The following PDE8B variants were observed in gnomAD, a reference collection of about 807,000 sequenced individuals.
PDE8B encodes the protein high affinity cAMP-specific and IBMX-insensitive 3',5'-cyclic phosphodiesterase 8B.
In PDE8B, 26 loss-of-function variants were observed where a neutral mutation model predicts 101.3. The ratio of observed to expected loss-of-function variants is 0.26; its 90% CI spans 0.19 to 0.36. The LOEUF is 0.36. Among genes scored for constraint, PDE8B ranks in the 10% least tolerant of loss-of-function variants. PDE8B has a pLI of 1.00. For synonymous variants in PDE8B, 424 were observed against 429.3 expected (o/e 0.99, Z 0.15); for missense variants, 810 against 1,163.1 (o/e 0.70, Z 4.42).
intron 1 of PDE8B, among the ~76,000 whole-genome samples, chr5:77,260,781 A>G (rs1033695800): frequency 2.0e-5 from 3 of 151,858 alleles, no homozygotes; most frequent in African/African-American, 7.3e-5. Context: ...AATAGTAGAG[A>G]TGGAGTTTCA....
At chr5:77,268,908 T>G (rs901692297) in intron 1 of PDE8B, among the ~76,000 whole-genome samples, 1 of 151,354 alleles carries the variant, frequency 6.6e-6, no homozygotes, top group African/African-American at 2.4e-5. Context: ...ATCTTAGCTC[T>G]TGTGAATAGT....
At chr5:77,274,631 G>T (rs1447883200) in intron 1 of PDE8B, among the ~76,000 whole-genome samples, 1 of 152,116 alleles carries the variant, frequency 6.6e-6, no homozygotes, top group Non-Finnish European at 1.5e-5. Flanking sequence ...GAAGATTAAT[G>T]TGCTTTATTG....
At chr5:77,203,526 A>C in the PDE8B span, among the ~76,000 whole-genome samples, 6 of 152,174 alleles carry the variant, frequency 3.9e-5, no homozygotes, top group African/African-American at 1.4e-4. Context: ...GGGTGGATGG[A>C]TGGATGGAAA....
At chr5:77,217,497 T>C (rs1750045039) in intron 1 of PDE8B, among the ~76,000 whole-genome samples, 1 of 152,204 alleles carries the variant, frequency 6.6e-6, no homozygotes, top group Non-Finnish European at 1.5e-5. Flanking sequence ...ACCTTTACCC[T>C]ACAGTGGAAG....
At chr5:77,239,004 C>T (rs568440518) in intron 1 of PDE8B, among the ~76,000 whole-genome samples, 4 of 152,344 alleles carry the variant, frequency 2.6e-5, no homozygotes, top group Non-Finnish European at 2.9e-5. Context: ...CTTACAGATA[C>T]ACTCAGATAT....
intron 7 of PDE8B, 77 bp downstream of exon 7, chr5:77,345,008 C>G (rs1779894722): frequency 7.5e-6 from 7 of 928,840 alleles, no homozygotes; most frequent in Non-Finnish European, 1.3e-5. Flanking sequence ...TTATCAAGTA[C>G]TTTCCCATCA....
chr5:77,243,929 C>A (rs1392104806), intron 1 of PDE8B, among the ~76,000 whole-genome samples: 1 of 152,030 alleles, frequency 6.6e-6, no homozygotes, highest in Non-Finnish European at 1.5e-5. Context: ...TTCCAAAGTA[C>A]TTGTAACATG....
intron 10 of PDE8B, among the ~76,000 whole-genome samples, chr5:77,363,799 T>G (rs140076356): frequency 1.5e-3 from 233 of 151,580 alleles, no homozygotes; most frequent in African/African-American, 5.5e-3. Flanking sequence ...GAGGAGATAA[T>G]CAAGCATGGC....
intron 10 of PDE8B, among the ~76,000 whole-genome samples, chr5:77,388,613 G>A (rs548649353): frequency 3.3e-5 from 5 of 152,292 alleles, no homozygotes; most frequent in East Asian, 1.9e-4. Context: ...TGGGAGATCC[G>A]CTGCTCTCCT....
intron 1 of PDE8B, among the ~76,000 whole-genome samples, chr5:77,261,081 C>G (rs1760484188): frequency 6.6e-6 from 1 of 152,154 alleles, no homozygotes; most frequent in Non-Finnish European, 1.5e-5. Context: ...TGGTTGCATT[C>G]TGTTGCTTTT....
chr5:77,100,603 A>C, the PDE8B span, among the ~76,000 whole-genome samples: 1 of 152,340 alleles, frequency 6.6e-6, no homozygotes, highest in East Asian at 1.9e-4. Flanking sequence ...CCTGGGAGGC[A>C]ACCCTTGTAC....
At chr5:77,362,775 G>A (rs1456938209) in intron 10 of PDE8B, among the ~76,000 whole-genome samples, 1 of 152,188 alleles carries the variant, frequency 6.6e-6, no homozygotes, top group Non-Finnish European at 1.5e-5. Flanking sequence ...GCCTCTGTGT[G>A]TCACTCCCTC....
chr5:77,264,436 G>T (rs1219700364), intron 1 of PDE8B, among the ~76,000 whole-genome samples: 1 of 152,172 alleles, frequency 6.6e-6, no homozygotes, highest in Non-Finnish European at 1.5e-5. Flanking sequence ...GTTATTATCT[G>T]CCTTTTTTAT....
chr5:77,374,644 C>T (rs1222342048), intron 10 of PDE8B, among the ~76,000 whole-genome samples: 2 of 152,180 alleles, frequency 1.3e-5, no homozygotes, highest in Non-Finnish European at 2.9e-5. Context: ...CATTTACCAC[C>T]TTCCCTTTTA....
the PDE8B span, among the ~76,000 whole-genome samples, chr5:77,157,595 A>G: frequency 6.6e-6 from 1 of 152,264 alleles, no homozygotes; most frequent in African/African-American, 2.4e-5. Flanking sequence ...ATAAATGTGG[A>G]TAGAGGACAC....
At chr5:77,318,198 C>T (rs1013847857) in intron 2 of PDE8B, among the ~76,000 whole-genome samples, 2 of 151,930 alleles carry the variant, frequency 1.3e-5, no homozygotes, top group Non-Finnish European at 2.9e-5. Context: ...GGGAGCTGAC[C>T]TTCACACATT....
At chr5:77,310,135 G>C (rs1389427671) in intron 1 of PDE8B, among the ~76,000 whole-genome samples, 1 of 151,854 alleles carries the variant, frequency 6.6e-6, no homozygotes, top group African/African-American at 2.4e-5. Context: ...ATTTTTAGTA[G>C]AGATGGGGTT....
At chr5:77,287,574 A>G (rs986107255) in intron 1 of PDE8B, among the ~76,000 whole-genome samples, 2 of 151,994 alleles carry the variant, frequency 1.3e-5, no homozygotes, top group African/African-American at 2.4e-5. Flanking sequence ...AATCCTACTG[A>G]GAGTGAAATT....
intron 1 of PDE8B, among the ~76,000 whole-genome samples, chr5:77,261,362 A>G (rs2149702618): frequency 6.6e-6 from 1 of 152,310 alleles, no homozygotes; most frequent in East Asian, 1.9e-4. Flanking sequence ...GAGAGGTGGA[A>G]GTTAAAGGGT....
Sources: gnomAD v4.1 joint callset for allele counts (sites outside exome capture counted in the v4.1 genomes callset) on GRCh38, gnomAD v4.1.1 for gene constraint, MANE v1.5 for transcripts, NCBI Gene and HGNC (gene_info 2026-07-23, HGNC 2026-07-21) for gene names.